Variants in PPP1R16B observed in about 807,000 individuals in gnomAD.
The protein encoded by PPP1R16B is protein phosphatase 1 regulatory inhibitor subunit 16B.
In PPP1R16B, 14 loss-of-function variants were observed where a neutral mutation model predicts 61.7. The ratio of observed to expected loss-of-function variants is 0.23; its 90% CI spans 0.15 to 0.35. The LOEUF (loss-of-function observed/expected upper bound fraction) is 0.35, where lower values mean the gene tolerates loss of function less well. Among genes scored for constraint, PPP1R16B ranks in the 10% least tolerant of loss-of-function variants. The pLI, the probability that PPP1R16B is intolerant of heterozygous loss-of-function variation, is 1.00. For missense variants in PPP1R16B, 547 were observed against 752.5 expected, an observed-to-expected ratio of 0.73 and a Z score of 3.19; for synonymous variants, 266 against 305.3, an observed-to-expected ratio of 0.87 and a Z score of 1.34.
chr20:38,875,534 GT>G (rs1488298590), intron 2 of PPP1R16B, among the ~76,000 whole-genome samples: 3 of 152,208 alleles, frequency 2.0e-5, no homozygotes, highest in Admixed American at 1.3e-4. Context: ...AGACTTCTCT[GT>G]TTTGTTTTGA....
intron 2 of PPP1R16B, among the ~76,000 whole-genome samples, chr20:38,855,982 A>AGAGAGAGAAGG (rs1449393855): frequency 4.8e-5 from 2 of 41,576 alleles, no homozygotes; most frequent in Non-Finnish European, 7.8e-5. Context: ...AGAGAGAGAG[A>AGAGAGAGAAGG]AGGAGGAGGA....
chr20:38,905,604 G>C (rs779034474), intron 6 of PPP1R16B, among the ~76,000 whole-genome samples: 9 of 152,158 alleles, frequency 5.9e-5, no homozygotes, highest in Non-Finnish European at 8.8e-5. Flanking sequence ...GAACAGTCAG[G>C]CTCCATCTTT....
intron 2 of PPP1R16B, among the ~76,000 whole-genome samples, chr20:38,877,122 C>G (rs1446611035): frequency 6.6e-6 from 1 of 152,106 alleles, no homozygotes; most frequent in African/African-American, 2.4e-5. Flanking sequence ...CATAATTTAC[C>G]AAATCAACCT....
At chr20:38,886,358 C>T (rs183465599) in intron 2 of PPP1R16B, among the ~76,000 whole-genome samples, 4 of 152,094 alleles carry the variant, frequency 2.6e-5, no homozygotes, top group Admixed American at 6.5e-5. Context: ...TGGAGAACAC[C>T]CCAATAATTA....
intron 7 of PPP1R16B, 91 bp downstream of exon 7, chr20:38,906,185 A>G: frequency 1.4e-6 from 2 of 1,433,692 alleles, no homozygotes; most frequent in Non-Finnish European, 1.9e-6. Flanking sequence ...TTTTCAAAGA[A>G]CATAAGACTT....
chr20:38,828,550 C>T (rs2084818059), intron 1 of PPP1R16B, among the ~76,000 whole-genome samples: 1 of 152,174 alleles, frequency 6.6e-6, no homozygotes, highest in Admixed American at 6.5e-5. Context: ...ACTTAAAGGA[C>T]CCTGTTTCCC....
At chr20:38,808,098 T>A (rs955103357) in intron 1 of PPP1R16B, among the ~76,000 whole-genome samples, 1 of 152,192 alleles carries the variant, frequency 6.6e-6, no homozygotes, top group Non-Finnish European at 1.5e-5. Flanking sequence ...AGAACCTTTC[T>A]CCTTTCTGCA....
At chr20:38,855,943 T>TATATAGAGAGAG (rs1555804333) in intron 2 of PPP1R16B, among the ~76,000 whole-genome samples, 7 of 15,050 alleles carry the variant, frequency 4.7e-4, no homozygotes, top group Non-Finnish European at 6.9e-4. Context: ...TATATATATA[T>TATATAGAGAGAG]AGAGAGAGAG....
At chr20:38,892,308 T>C (rs1410571871) in intron 3 of PPP1R16B, among the ~76,000 whole-genome samples, 6 of 152,002 alleles carry the variant, frequency 3.9e-5, no homozygotes, top group Non-Finnish European at 8.8e-5. Context: ...AGGACCAGTT[T>C]CTCCTGTGGG....
At chr20:38,888,388 C>T (rs967924861) in intron 2 of PPP1R16B, among the ~76,000 whole-genome samples, 1 of 152,240 alleles carries the variant, frequency 6.6e-6, no homozygotes. Flanking sequence ...CAAACAGCCA[C>T]CCTCTGTTCA....
intron 2 of PPP1R16B, among the ~76,000 whole-genome samples, chr20:38,845,083 C>T (rs1293988991): frequency 6.6e-6 from 1 of 151,928 alleles, no homozygotes; most frequent in African/African-American, 2.4e-5. Flanking sequence ...CCACTCCATG[C>T]CCCTGCCATT....
chr20:38,868,698 T>A (rs1161158208), intron 2 of PPP1R16B, among the ~76,000 whole-genome samples: 4 of 152,220 alleles, frequency 2.6e-5, no homozygotes, highest in Non-Finnish European at 4.4e-5. Flanking sequence ...AAATTGACAT[T>A]GATACGGTTC....
At chr20:38,917,155 G>A (rs1483552297) in intron 10 of PPP1R16B, among the ~76,000 whole-genome samples, 1 of 152,108 alleles carries the variant, frequency 6.6e-6, no homozygotes, top group African/African-American at 2.4e-5. Context: ...AATTTGCTGG[G>A]TGTGGTGGTA....
intron 2 of PPP1R16B, among the ~76,000 whole-genome samples, chr20:38,836,569 G>T (rs1320926147): frequency 6.6e-6 from 1 of 152,160 alleles, no homozygotes; most frequent in Non-Finnish European, 1.5e-5. Context: ...TGTTGCCCTG[G>T]CTGGTCTCGA....
chr20:38,827,687 T>G (rs562336842), intron 1 of PPP1R16B, among the ~76,000 whole-genome samples: 3 of 152,240 alleles, frequency 2.0e-5, no homozygotes, highest in Admixed American at 2.0e-4. Context: ...AAAAATCCCA[T>G]GGGAATGAGA....
chr20:38,862,076 C>T (rs1472478283), intron 2 of PPP1R16B, among the ~76,000 whole-genome samples: 1 of 152,212 alleles, frequency 6.6e-6, no homozygotes, highest in Non-Finnish European at 1.5e-5. Context: ...CAAGTCCAGC[C>T]CACAACTGTG....
intron 2 of PPP1R16B, among the ~76,000 whole-genome samples, chr20:38,865,415 G>A (rs1224902281): frequency 6.6e-6 from 1 of 151,538 alleles, no homozygotes; most frequent in Non-Finnish European, 1.5e-5. Context: ...TCAGCCTTCC[G>A]AGTAGCTGGG....
At chr20:38,906,538 G>C (rs1037429037) in intron 7 of PPP1R16B, among the ~76,000 whole-genome samples, 13 of 152,068 alleles carry the variant, frequency 8.5e-5, no homozygotes, top group African/African-American at 3.1e-4. Flanking sequence ...CAGGTGATCT[G>C]CCTGCCTTGG....
chr20:38,838,770 C>T (rs373095915), intron 2 of PPP1R16B, among the ~76,000 whole-genome samples: 6 of 152,302 alleles, frequency 3.9e-5, no homozygotes, highest in African/African-American at 1.2e-4. Context: ...GGGCTTCAGA[C>T]CATCCTCCCA....
Sources: allele counts gnomAD v4.1 joint callset (sites outside exome capture counted in the v4.1 genomes callset), GRCh38; gene constraint gnomAD v4.1.1; transcripts MANE v1.5; gene names NCBI Gene and HGNC (gene_info 2026-07-23, HGNC 2026-07-21).